Variants in HFE observed in about 807,000 individuals in gnomAD.
HFE encodes homeostatic iron regulator.
In HFE, 36 loss-of-function variants were observed where a neutral mutation model predicts 40.9. The observed-to-expected ratio is 0.88, with a 90% CI of 0.67 to 1.16. The LOEUF (loss-of-function observed/expected upper bound fraction) is 1.16, where lower values mean the gene tolerates loss of function less well. HFE is among the 50% of genes most tolerant of loss of function. The pLI, the probability that HFE is intolerant of heterozygous loss-of-function variation, is 0.00. For synonymous variants in HFE, 157 were observed against 165.4 expected, an observed-to-expected ratio of 0.95 and a Z score of 0.39; for missense variants, 376 against 432.0, an observed-to-expected ratio of 0.87 and a Z score of 1.15.
Position 26,091,539 on chromosome 6 carries a change from C to T in HFE, c.566C>T (p.Ala189Val). Residue 189 changes from alanine (A) to valine (V), a missense_variant, in exon 3 of 6, where the codon GCA becomes GTA. By Grantham distance (64) the Ala-to-Val change is moderately conservative (BLOSUM62 0). This residue lies in a region of HFE where 3 missense variants were observed against 16.6 expected (regional missense o/e 0.18). Coordinates refer to ENST00000357618, the MANE Select transcript of HFE (RefSeq NM_000410.4). ...GCCTACCTGGAGAGGGACTGCCCTG[C>T]ACAGCTGCAGCAGTTGCTGGAGCTG... ...NRAYLERDCPAQLQQLLELGR... is the reference protein window; with the variant it reads ...NRAYLERDCPVQLQQLLELGR... The T allele has an allele frequency of 1.2e-6, 2 of 1,613,898 alleles. No homozygotes were observed. Among genetic ancestry groups the T allele is most frequent in the Non-Finnish European group, 1.7e-6 (2 of 1,179,928 alleles).
At position 26,091,034 on chromosome 6, in the gene HFE, T is replaced by G; in HGVS notation, c.270T>G (p.Ser90Arg). 6.2e-7 allele frequency: 1 copy of G among 1,614,068 alleles called. No homozygotes were observed. The highest frequency in any genetic ancestry group is 8.5e-7 in the Non-Finnish European group (1 of 1,180,006). The change falls in exon 2 of 6, where the codon AGT becomes AGG. Residue 90 changes from serine (S) to arginine (R), a missense_variant. Around this residue, in one of 3 missense-constraint regions of HFE, gnomAD observed 200 missense variants for 228.5 expected, o/e 0.88. Transcript: ENST00000357618. ...AGATGTGGCTGCAGCTGAGTCAGAG[T>G]CTGAAAGGGTGGGATCACATGTTCA... ...SSQMWLQLSQ[S>R]LKGWDHMFTV...
chr6:26,090,911 TTTGGGCTACGTGGATGACCAGC>T lies in HFE; in HGVS notation c.149_170del (p.Leu50CysfsTer31). ...ACCTTGGTCTTTCCTTGTTTGAAGC[TTTGGGCTACGTGGATGACCAGC>T]TGTTCGTGTTCTATGATCATGAGAG... On this transcript the variant is annotated frameshift_variant, in exon 2 of 6. Transcript: ENST00000357618. LOFTEE classifies it high-confidence loss of function. 4 of 1,614,168 alleles carry T rather than the reference TTTGGGCTACGTGGATGACCAGC, an allele frequency of 2.5e-6. No individual in the cohort carries two copies. Among genetic ancestry groups the T allele is most frequent in the Non-Finnish European group, 3.4e-6 (4 of 1,180,024 alleles).
rs1762826988 is a variant in HFE, at chr6:26,092,894, G to A, written c.826G>A (p.Glu276Lys). The A allele has an allele frequency of 6.2e-7, 1 of 1,614,214 alleles. No individual in the cohort carries two copies. The highest frequency in any genetic ancestry group is 2.2e-5 in the East Asian group (1 of 44,884). The change falls in exon 4 of 6, where the codon GAA becomes AAA. Residue 276 changes from glutamate (E) to lysine (K), a missense_variant. Physicochemically the swap from Glu to Lys is moderately conservative, Grantham distance 56. This residue lies in a region of HFE where 173 missense variants were observed against 186.9 expected (regional missense o/e 0.93). Transcript: ENST00000357618. Reference sequence around the variant, plus strand: ...GATAACCTTGGCTGTACCCCCTGGGGAAGAGCAGAGATATACGTGCCAGGT... The same window carrying A: ...GATAACCTTGGCTGTACCCCCTGGGAAAGAGCAGAGATATACGTGCCAGGT... ...GWITLAVPPGEEQRYTCQVEH... is the reference protein window; with the variant it reads ...GWITLAVPPGKEQRYTCQVEH...
chr6:26,090,635 G>C (rs1163488053), intron 1 of HFE, among the ~76,000 whole-genome samples: 1 of 151,912 alleles, frequency 6.6e-6, no homozygotes, highest in Non-Finnish European at 1.5e-5. Context: ...GGCAGTGAGG[G>C]GGTGGCAGCC....
At position 26,092,973 on chromosome 6, in the gene HFE, T is replaced by C; in HGVS notation, c.892+13T>C. The C allele has an allele frequency of 1.2e-6, 2 of 1,613,928 alleles. No homozygotes were observed. Among genetic ancestry groups the C allele is most frequent in the South Asian group, 1.1e-5 (1 of 91,062 alleles). ...ATTGTGATCTGGGGTATGTGACTGATGAGAGCCAGGAGCTGAGAAAATCTA... is the reference window on the plus strand; with the variant it reads ...ATTGTGATCTGGGGTATGTGACTGACGAGAGCCAGGAGCTGAGAAAATCTA... On this transcript the variant is annotated intron_variant, in intron 4 of 5. Transcript: ENST00000357618.
In HFE at chr6:26,095,324, A is replaced by G. The variant is rs1057135042; in HGVS notation, c.*1098A>G. ...CTAACATGGTGAAACCCCATCTCTA[A>G]TAAAAATACAAAAAATTAGCTGGGC... On this transcript the variant is annotated 3_prime_UTR_variant, in exon 6 of 6. Coordinates refer to ENST00000357618, the MANE Select transcript of HFE (RefSeq NM_000410.4). 6.6e-6 allele frequency: 1 copy of G among 151,882 alleles called. No individual in the cohort carries two copies. The highest frequency in any genetic ancestry group is 1.5e-5 in the Non-Finnish European group (1 of 68,002). The allele number at this position is 151,882 out of a possible 1,614,324, so 9.4% of individuals were successfully genotyped here. A position where few individuals can be genotyped will look rare whatever the true frequency, so the allele number is the denominator to read the frequency against.
Position 26,092,675 on chromosome 6 carries a change from T to C in HFE, c.617-10T>C. ...ATCCCCTCTCCTCATCCTTCCTCTT[T>C]CCTGTCAAGTGCCTCCTTTGGTGAA... On this transcript the variant is annotated splice_polypyrimidine_tract_variant and intron_variant, in intron 3 of 5. Transcript: ENST00000357618. The C allele has an allele frequency of 6.2e-7, 1 of 1,614,190 alleles. No individual in the cohort carries two copies. The highest frequency in any genetic ancestry group is 1.1e-5 in the South Asian group (1 of 91,080).
intron 3 of HFE, 35 bp from the exon 4 acceptor site, chr6:26,092,650 A>T: frequency 1.2e-6 from 2 of 1,614,092 alleles, no homozygotes. Flanking sequence ...GGGTAAACAG[A>T]TCCCCTCTCC....
intron 5 of HFE, among the ~76,000 whole-genome samples, 194 bp downstream of exon 5, chr6:26,093,426 A>C (rs1036273258): frequency 2.0e-5 from 3 of 152,162 alleles, no homozygotes; most frequent in Non-Finnish European, 4.4e-5. Flanking sequence ...AAACATCTTC[A>C]GAGCACCTAC....
rs886537031 is a variant in HFE at position 26,096,511 on chromosome 6, G to A, written c.*2285G>A. 4.4e-6 allele frequency: 2 copies of A among 456,400 alleles called. No homozygotes were observed. Among genetic ancestry groups the A allele is most frequent in the African/African-American group, 2.0e-5 (1 of 50,064 alleles). 28.3% of individuals were successfully genotyped at this position (456,400 alleles called of 1,614,324 possible). On this transcript the variant is annotated 3_prime_UTR_variant, in exon 6 of 6. Transcript: ENST00000357618. ...ACTACATGCACTTGGCTGCATAAAT[G>A]TGGTACAAGCATTCTGTCTTGAAGG...
chr6:26,096,990 A>G lies in HFE; in HGVS notation c.*2764A>G. On this transcript the variant is annotated 3_prime_UTR_variant, in exon 6 of 6. Coordinates refer to ENST00000357618, the MANE Select transcript of HFE (RefSeq NM_000410.4). ...CGAATTAATCGTGTTTCTTCACTCT[A>G]GGGACATTGTCGTCTAAGTTGTAAG... The G allele has an allele frequency of 4.9e-6, 1 of 203,192 alleles. No individual in the cohort carries two copies. Among genetic ancestry groups the G allele is most frequent in the South Asian group, 7.0e-5 (1 of 14,326 alleles). The allele number at this position is 203,192 out of a possible 1,614,324, so 12.6% of individuals were successfully genotyped here.
chr6:26,091,296 G>C lies in HFE; in HGVS notation c.341-18G>C. On this transcript the variant is annotated intron_variant, in intron 2 of 5. Coordinates refer to ENST00000357618, the MANE Select transcript of HFE (RefSeq NM_000410.4). ...CTATTCCTTTGGTTGCAGTTAACAAGGCTGGGGATTTTTCCAGAGTCCCAC... is the reference window on the plus strand; with the variant it reads ...CTATTCCTTTGGTTGCAGTTAACAACGCTGGGGATTTTTCCAGAGTCCCAC... 2 of 1,614,152 alleles carry C rather than the reference G, an allele frequency of 1.2e-6. No homozygotes were observed. Among genetic ancestry groups the C allele is most frequent in the Admixed American group, 3.3e-5 (2 of 60,028 alleles).
intron 3 of HFE, among the ~76,000 whole-genome samples, 176 bp downstream of exon 3, chr6:26,091,765 C>T (rs1269825435): frequency 1.3e-5 from 2 of 152,176 alleles, no homozygotes; most frequent in Non-Finnish European, 2.9e-5. Flanking sequence ...ATGTATGAGA[C>T]AGCCACAAGT....
In HFE at chr6:26,098,286, A is replaced by G. The variant is rs914463341; in HGVS notation, c.*4060A>G. 2.6e-5 allele frequency: 4 copies of G among 152,134 alleles called. No individual in the cohort carries two copies. The highest frequency in any genetic ancestry group is 9.7e-5 in the African/African-American group (4 of 41,430). 9.4% of individuals were successfully genotyped at this position (152,134 alleles called of 1,614,324 possible). On this transcript the variant is annotated 3_prime_UTR_variant, in exon 6 of 6. Coordinates refer to ENST00000357618, the MANE Select transcript of HFE (RefSeq NM_000410.4). ...TGGTGGATTTGGAGTTGATACTTAT[A>G]TATTTTCTATTTCTTGGATGGATGA...
rs1371914943 is a variant in HFE, at chr6:26,093,106, T to C, written c.893-13T>C. ...TGGCAATCAAAGGCTTTAACTTGCT[T>C]TTTCTGTTTTAGAGCCCTCACCGTC... On this transcript the variant is annotated splice_polypyrimidine_tract_variant and intron_variant, in intron 4 of 5. Transcript: ENST00000357618. 1.2e-6 allele frequency: 2 copies of C among 1,613,734 alleles called. No homozygotes were observed. The highest frequency in any genetic ancestry group is 1.7e-6 in the Non-Finnish European group (2 of 1,179,784).
intron 1 of HFE, among the ~76,000 whole-genome samples, chr6:26,090,301 G>T (rs1762586352): frequency 6.6e-6 from 1 of 151,920 alleles, no homozygotes; most frequent in Non-Finnish European, 1.5e-5. Flanking sequence ...AAATTAGCCT[G>T]GTGTGGTGGC....
Position 26,090,978 on chromosome 6 carries a change from A to G in HFE, c.214A>G (p.Thr72Ala), listed in dbSNP as rs1314720488. The change falls in exon 2 of 6, where the codon ACT (threonine) becomes GCT (alanine). Residue 72 changes from threonine (T) to alanine (A), a missense_variant. This residue lies in a region of HFE where 200 missense variants were observed against 228.5 expected (regional missense o/e 0.88). Coordinates refer to ENST00000357618, the MANE Select transcript of HFE (RefSeq NM_000410.4). ...TGAGAGTCGCCGTGTGGAGCCCCGAACTCCATGGGTTTCCAGTAGAATTTC... is the reference window on the plus strand; with the variant it reads ...TGAGAGTCGCCGTGTGGAGCCCCGAGCTCCATGGGTTTCCAGTAGAATTTC... ...DHESRRVEPR[T>A]PWVSSRISSQ... 6.2e-7 allele frequency: 1 copy of G among 1,613,896 alleles called. No individual in the cohort carries two copies. The highest frequency in any genetic ancestry group is 8.5e-7 in the Non-Finnish European group (1 of 1,179,990).
At position 26,090,993 on chromosome 6, in the gene HFE, A is replaced by G; in HGVS notation, c.229A>G (p.Ser77Gly). The change falls in exon 2 of 6, where the codon AGT (serine) becomes GGT (glycine). Residue 77 changes from serine to glycine, a missense_variant. This residue lies in a region of HFE where 200 missense variants were observed against 228.5 expected (regional missense o/e 0.88). Coordinates refer to ENST00000357618, the MANE Select transcript of HFE (RefSeq NM_000410.4). ...GGAGCCCCGAACTCCATGGGTTTCCAGTAGAATTTCAAGCCAGATGTGGCT... is the reference window on the plus strand; with the variant it reads ...GGAGCCCCGAACTCCATGGGTTTCCGGTAGAATTTCAAGCCAGATGTGGCT... ...RVEPRTPWVS[S>G]RISSQMWLQL... The G allele has an allele frequency of 6.2e-7, 1 of 1,614,198 alleles. No homozygotes were observed. Among genetic ancestry groups the G allele is most frequent in the Non-Finnish European group, 8.5e-7 (1 of 1,180,034 alleles).
chr6:26,087,737 C>T (rs1762384997), intron 1 of HFE, among the ~76,000 whole-genome samples: 1 of 152,240 alleles, frequency 6.6e-6, no homozygotes, highest in Non-Finnish European at 1.5e-5. Context: ...CCTCCCCCGG[C>T]TGTCCCGGCT....
Sources: gnomAD v4.1 joint callset for allele counts (sites outside exome capture counted in the v4.1 genomes callset) on GRCh38, gnomAD v4.1.1 for gene constraint, gnomAD v4.1.1 regional missense constraint, MANE v1.5 for transcripts, NCBI Gene and HGNC (gene_info 2026-07-23, HGNC 2026-07-21) for gene names.